The following METTL16 variants were observed in gnomAD, a reference collection of about 807,000 sequenced individuals.
The protein encoded by METTL16 is RNA N(6)-adenosine-methyltransferase METTL16.
A neutral mutation model predicts 57.9 loss-of-function variants in METTL16; 19 were observed. The ratio of observed to expected loss-of-function variants is 0.33; its 90% CI spans 0.23 to 0.48. The LOEUF (loss-of-function observed/expected upper bound fraction) is 0.48. METTL16 is among the 20% of genes least tolerant of loss of function. METTL16 has a pLI of 0.99. For synonymous variants in METTL16, 246 were observed against 255.6 expected, an observed-to-expected ratio of 0.96 and a Z score of 0.36; for missense variants, 434 against 691.5, an observed-to-expected ratio of 0.63 and a Z score of 4.18.
chr17:2,483,985 A>G (rs2067324792), intron 2 of METTL16, among the ~76,000 whole-genome samples: 1 of 152,228 alleles, frequency 6.6e-6, no homozygotes, highest in African/African-American at 2.4e-5. Context: ...TTTCACTGCT[A>G]AACACACAAA....
intron 2 of METTL16, among the ~76,000 whole-genome samples, chr17:2,479,330 CTTTT>C (rs34609847): frequency 1.7e-3 from 182 of 105,572 alleles, no homozygotes; most frequent in African/African-American, 6.7e-3. Context: ...CCACACTAAG[CTTTT>C]TTTTTTTTTT....
At chr17:2,489,396 T>C (rs1199351561) in intron 2 of METTL16, among the ~76,000 whole-genome samples, 2 of 152,190 alleles carry the variant, frequency 1.3e-5, no homozygotes, top group East Asian at 3.9e-4. Context: ...GGCTCACATC[T>C]GTAATCCCAG....
rs1180133890 is a variant in METTL16 at position 2,464,242 on chromosome 17, T to C, written c.694A>G (p.Ile232Val). Residue 232 changes from isoleucine (I) to valine (V), a missense_variant, in exon 6 of 10, where the codon ATC (isoleucine) becomes GTC (valine). Physicochemically the swap from Ile to Val is conservative, Grantham distance 29. Transcript: ENST00000263092. ...GGELEFVKRI[I>V]HDSLQLKKRL... ...TTTTTAAGTTGTAGACTGTCATGGA[T>C]GATCCTTTTAACAAACTCTAATTCA... The C allele has an allele frequency of 6.2e-7, 1 of 1,613,874 alleles. No homozygotes were observed. The highest frequency in any genetic ancestry group is 1.3e-5 in the African/African-American group (1 of 74,926).
intron 8 of METTL16, among the ~76,000 whole-genome samples, chr17:2,433,852 G>A (rs778294800): frequency 3.3e-5 from 5 of 152,098 alleles, no homozygotes; most frequent in Non-Finnish European, 7.3e-5. Flanking sequence ...AGACGCTGGC[G>A]ACTCCTCCTC....
At chr17:2,480,505 G>A (rs975502655) in intron 2 of METTL16, among the ~76,000 whole-genome samples, 1 of 152,096 alleles carries the variant, frequency 6.6e-6, no homozygotes, top group Non-Finnish European at 1.5e-5. Flanking sequence ...CCATCGCTAC[G>A]AGCATACCTA....
chr17:2,506,317 G>C (rs1037146497), intron 1 of METTL16, among the ~76,000 whole-genome samples: 2 of 131,206 alleles, frequency 1.5e-5, no homozygotes, highest in African/African-American at 2.8e-5. Flanking sequence ...CTCTTGCCAC[G>C]GTCTCCCTCT....
intron 2 of METTL16, among the ~76,000 whole-genome samples, chr17:2,491,823 C>T (rs1487387163): frequency 6.6e-5 from 9 of 136,230 alleles, no homozygotes; most frequent in African/African-American, 2.4e-4. Context: ...TGCAGTGAGC[C>T]GAGATCGCGC....
chr17:2,426,529 G>T (rs1398253882), intron 8 of METTL16, among the ~76,000 whole-genome samples: 1 of 151,922 alleles, frequency 6.6e-6, no homozygotes, highest in Non-Finnish European at 1.5e-5. Context: ...AGGAGATCAA[G>T]ACTAGCCTGG....
chr17:2,489,085 C>T (rs988673294), intron 2 of METTL16, among the ~76,000 whole-genome samples: 4 of 151,272 alleles, frequency 2.6e-5, no homozygotes, highest in South Asian at 4.2e-4. Flanking sequence ...AATTGTACCT[C>T]GATCAATCAA....
At chr17:2,492,897 C>CAAAAAAA (rs56853674) in intron 2 of METTL16, among the ~76,000 whole-genome samples, 16 of 75,846 alleles carry the variant, frequency 2.1e-4, no homozygotes, top group South Asian at 5.0e-4. Flanking sequence ...GACTCCGTCT[C>CAAAAAAA]AAAAAAAAAA....
intron 1 of METTL16, among the ~76,000 whole-genome samples, chr17:2,510,134 T>G (rs2067577373): frequency 6.6e-6 from 1 of 152,050 alleles, no homozygotes; most frequent in South Asian, 2.1e-4. Context: ...CAAAAAAAAG[T>G]AAACTAAGAG....
At chr17:2,457,902 C>T (rs913377317) in intron 6 of METTL16, among the ~76,000 whole-genome samples, 1 of 151,968 alleles carries the variant, frequency 6.6e-6, no homozygotes, top group Non-Finnish European at 1.5e-5. Flanking sequence ...ATTTTTGAGA[C>T]GGGCTCTTGC....
intron 2 of METTL16, among the ~76,000 whole-genome samples, chr17:2,495,046 G>T (rs1196239992): frequency 1.3e-5 from 2 of 151,370 alleles, no homozygotes; most frequent in Non-Finnish European, 2.9e-5. Flanking sequence ...CATTCTAGAT[G>T]CCATTAAAAA....
chr17:2,491,607 G>A (rs1244358415), intron 2 of METTL16, among the ~76,000 whole-genome samples: 1 of 152,136 alleles, frequency 6.6e-6, no homozygotes, highest in Non-Finnish European at 1.5e-5. Flanking sequence ...CGGGCACGGT[G>A]GCTCACACCT....
intron 6 of METTL16, among the ~76,000 whole-genome samples, chr17:2,445,612 C>G (rs966061110): frequency 2.0e-5 from 3 of 151,774 alleles, no homozygotes; most frequent in African/African-American, 7.3e-5. Context: ...ATGGCAAAAC[C>G]CCGCCTCTAC....
At chr17:2,444,579 TTTA>T (rs977905502) in intron 6 of METTL16, among the ~76,000 whole-genome samples, 2 of 152,210 alleles carry the variant, frequency 1.3e-5, no homozygotes, top group Non-Finnish European at 2.9e-5. Context: ...GTGTACGGTG[TTTA>T]TAAAGTCTAC....
intron 2 of METTL16, among the ~76,000 whole-genome samples, chr17:2,480,693 GCTTGATGGGGCTCC>G (rs1303957061): frequency 6.6e-6 from 1 of 152,234 alleles, no homozygotes. Flanking sequence ...ACTAGACCCT[GCTTGATGGGGCTCC>G]CTTTGGCCAA....
chr17:2,484,519 A>T (rs1482410580), intron 2 of METTL16, among the ~76,000 whole-genome samples: 1 of 151,674 alleles, frequency 6.6e-6, no homozygotes, highest in African/African-American at 2.4e-5. Context: ...TTTGAGACGA[A>T]GTTTCGTTCT....
At chr17:2,495,336 C>A (rs1277482801) in intron 2 of METTL16, among the ~76,000 whole-genome samples, 3 of 151,608 alleles carry the variant, frequency 2.0e-5, no homozygotes, top group African/African-American at 4.8e-5. Flanking sequence ...GTCTCAAAAA[C>A]ACAAAAAATA....
Sources: allele counts gnomAD v4.1 joint callset (sites outside exome capture counted in the v4.1 genomes callset), GRCh38; gene constraint gnomAD v4.1.1; transcripts MANE v1.5; gene names NCBI Gene and HGNC (gene_info 2026-07-23, HGNC 2026-07-21).